Variants in AGPAT4 observed in about 807,000 individuals in gnomAD.
AGPAT4 encodes the protein 1-acyl-sn-glycerol-3-phosphate acyltransferase delta.
Under a neutral mutation model 48.0 loss-of-function variants are expected in AGPAT4, and 15 were observed. The observed-to-expected ratio is 0.31, with a 90% confidence interval of 0.21 to 0.48. The LOEUF (loss-of-function observed/expected upper bound fraction) is 0.48, where lower values mean the gene tolerates loss of function less well. AGPAT4 is among the 20% of genes least tolerant of loss of function. AGPAT4 has a pLI of 0.99. For synonymous variants in AGPAT4, 178 were observed against 198.7 expected, an observed-to-expected ratio of 0.90 and a Z score of 0.88; for missense variants, 314 against 482.5, an observed-to-expected ratio of 0.65 and a Z score of 3.27.
In AGPAT4 at chr6:161,139,288, C is replaced by T. The variant is rs1277454794; in HGVS notation, c.1042+134G>A. The stretch of plus-strand genomic sequence containing the variant: ...CACTCATCCTGAAGTCTAATCTTTC[C>T]CTGTGATTGCAAGCTGAGCCTGCTC... On this transcript the variant is annotated intron_variant, in intron 8 of 8. Transcript: ENST00000320285. This position sits in a 1 kb window ranked among gnomAD's most constrained non-coding sequence, Gnocchi z 9.1. The T allele has an allele frequency of 5.8e-6, 6 of 1,029,124 alleles. No homozygotes were observed. The highest frequency in any genetic ancestry group is 8.6e-6 in the Non-Finnish European group (6 of 698,494). 63.7% of individuals were successfully genotyped at this position (1,029,124 alleles called of 1,614,324 possible).
chr6:161,148,859 T>C lies in AGPAT4; in HGVS notation c.767+328A>G, dbSNP rs1315145532. On this transcript the variant is annotated intron_variant, in intron 6 of 8. Coordinates refer to ENST00000320285, the MANE Select transcript of AGPAT4 (RefSeq NM_020133.3). The surrounding 1 kb of genome is among the most constrained non-coding windows in gnomAD (Gnocchi z 5.5). ...TAAATACACATCTGTGTGTATTCCA[T>C]ACAGCAGACCCATCGCCCACGAAAA... is the stretch of plus-strand genomic sequence containing the variant. Among the ~76,000 whole-genome samples, 4 of 152,192 alleles carry C rather than the reference T, an allele frequency of 2.6e-5. No individual in the cohort carries two copies. The highest frequency in any genetic ancestry group is 4.4e-5 in the Non-Finnish European group (3 of 68,044).
intron 2 of AGPAT4, among the ~76,000 whole-genome samples, chr6:161,187,264 T>C (rs1316445620): frequency 6.6e-6 from 1 of 152,212 alleles, no homozygotes; most frequent in East Asian, 1.9e-4. Context: ...AGGCACGTTT[T>C]GTCTTGTTCA....
At chr6:161,162,143 G>C (rs1337841757) in intron 3 of AGPAT4, among the ~76,000 whole-genome samples, 1 of 152,190 alleles carries the variant, frequency 6.6e-6, no homozygotes, top group Non-Finnish European at 1.5e-5. Context: ...TTCAGGCCCA[G>C]CTGTATTACA....
At chr6:161,163,843 C>T (rs1201066648) in intron 3 of AGPAT4, among the ~76,000 whole-genome samples, 1 of 152,190 alleles carries the variant, frequency 6.6e-6, no homozygotes, top group Admixed American at 6.5e-5. Flanking sequence ...GAAGAGGCAT[C>T]GCCCTGGCCC....
In AGPAT4 at chr6:161,198,590, G is replaced by C. The variant is rs1378801109; in HGVS notation, c.179-32173C>G. Among the ~76,000 whole-genome samples the C allele has an allele frequency of 1.3e-5, 2 of 152,202 alleles. No homozygotes were observed. Among genetic ancestry groups the C allele is most frequent in the Non-Finnish European group, 2.9e-5 (2 of 68,036 alleles). On this transcript the variant is annotated intron_variant, in intron 2 of 8. Coordinates refer to ENST00000320285, the MANE Select transcript of AGPAT4 (RefSeq NM_020133.3). This position sits in a 1 kb window ranked among gnomAD's most constrained non-coding sequence, Gnocchi z 4.3. ...TTTAGACACATAATTGCTCAGGCTG[G>C]GTTACATCCTGGCCCCACCATCTAC...
rs1232210481 is a variant in AGPAT4, at chr6:161,143,434, T to C, written c.843+3090A>G. Among the ~76,000 whole-genome samples the C allele has an allele frequency of 6.6e-6, 1 of 152,186 alleles. No individual in the cohort carries two copies. Among genetic ancestry groups the C allele is most frequent in the Non-Finnish European group, 1.5e-5 (1 of 68,036 alleles). On this transcript the variant is annotated intron_variant, in intron 7 of 8. Transcript: ENST00000320285. This position sits in a 1 kb window ranked among gnomAD's most constrained non-coding sequence, Gnocchi z 4.7. ...TTAATGGCCAAGTTATAGTCCCTTCTGCAAATGTCAAATTACAACCTGAAG... is the reference window on the plus strand; with the variant it reads ...TTAATGGCCAAGTTATAGTCCCTTCCGCAAATGTCAAATTACAACCTGAAG...
chr6:161,268,057 T>C lies in AGPAT4; in HGVS notation c.-90+5881A>G, dbSNP rs1031950062. 1.4e-4 allele frequency among the ~76,000 whole-genome samples: 22 copies of C among 152,232 alleles called. 1 individual carries two copies. Among genetic ancestry groups the C allele is most frequent in the South Asian group, 8.3e-4 (4 of 4,822 alleles). On this transcript the variant is annotated intron_variant, in intron 1 of 8. Transcript: ENST00000320285. ...GTTAACGTCTCAGCTCTGCTCCTTC[T>C]TATGACCTAGCTGAGCTGCTTAATC...
In AGPAT4 at chr6:161,145,973, G is replaced by C. The variant is rs145330860; in HGVS notation, c.843+551C>G. 4.0e-3 allele frequency among the ~76,000 whole-genome samples: 610 copies of C among 151,776 alleles called. 6 individuals carry two copies. The highest frequency in any genetic ancestry group is 0.01 in the Middle Eastern group (3 of 294). On this transcript the variant is annotated intron_variant, in intron 7 of 8. Transcript: ENST00000320285. ...CTTCCTTGCATATGCCTTTGGAGGA[G>C]AGAAACCAATGAAAGCAAAGGCCTT... is the stretch of plus-strand genomic sequence containing the variant.
rs1304917351 is a variant in AGPAT4 at position 161,161,049 on chromosome 6, C to T, written c.348+5199G>A. ...AAGGGGGACAGTTCATGGGATGATA[C>T]CAAGTCGGTGTACAGCAGACAGCAC... On this transcript the variant is annotated intron_variant, in intron 3 of 8. Transcript: ENST00000320285. The surrounding 1 kb of genome is among the most constrained non-coding windows in gnomAD (Gnocchi z 4.6). 2.2e-6 allele frequency: 1 copy of T among 456,674 alleles called. No individual in the cohort carries two copies. The highest frequency in any genetic ancestry group is 1.5e-5 in the South Asian group (1 of 64,572). The allele number at this position is 456,674 out of a possible 1,614,324, so 28.3% of individuals were successfully genotyped here. A position where few individuals can be genotyped will look rare whatever the true frequency, so the allele number is the denominator to read the frequency against.
rs1338975900 is a variant in AGPAT4 at position 161,141,976 on chromosome 6, C to A, written c.844-2356G>T. Reference sequence around the variant, plus strand: ...CTCCCGGGTTCAAGCAATTTTCCCACCTCAGCCTCCTGAGTACCTGGGATT... The same window carrying A: ...CTCCCGGGTTCAAGCAATTTTCCCAACTCAGCCTCCTGAGTACCTGGGATT... On this transcript the variant is annotated intron_variant, in intron 7 of 8. Transcript: ENST00000320285. The surrounding 1 kb of genome is among the most constrained non-coding windows in gnomAD (Gnocchi z 6.7). 2.0e-5 allele frequency among the ~76,000 whole-genome samples: 3 copies of A among 152,202 alleles called. No individual in the cohort carries two copies. The highest frequency in any genetic ancestry group is 7.2e-5 in the African/African-American group (3 of 41,456).
In AGPAT4 at chr6:161,141,925, C is replaced by T. The variant is rs1183572653; in HGVS notation, c.844-2305G>A. On this transcript the variant is annotated intron_variant, in intron 7 of 8. Coordinates refer to ENST00000320285, the MANE Select transcript of AGPAT4 (RefSeq NM_020133.3). This position sits in a 1 kb window ranked among gnomAD's most constrained non-coding sequence, Gnocchi z 6.7. The stretch of plus-strand genomic sequence containing the variant: ...TCGCACAGGCTGGAGTGCAATGGCA[C>T]GATCTCCTCTCACTGCAACCTCCGC... Among the ~76,000 whole-genome samples the T allele has an allele frequency of 6.6e-6, 1 of 152,132 alleles. No individual in the cohort carries two copies.
chr6:161,273,153 T>A (rs1783477372), intron 1 of AGPAT4, among the ~76,000 whole-genome samples: 1 of 152,220 alleles, frequency 6.6e-6, no homozygotes, highest in Non-Finnish European at 1.5e-5. Context: ...TATCTTATCT[T>A]AAGAAGTGTT....
In AGPAT4 at chr6:161,169,746, A is replaced by G. The variant is rs1238295963; in HGVS notation, c.179-3329T>C. Reference sequence around the variant, plus strand: ...CCAGAAGTATGTACAAGAAAATATAAAATTCCTCTAACTAGCTTCAGGATG... The same window carrying G: ...CCAGAAGTATGTACAAGAAAATATAGAATTCCTCTAACTAGCTTCAGGATG... On this transcript the variant is annotated intron_variant, in intron 2 of 8. Coordinates refer to ENST00000320285, the MANE Select transcript of AGPAT4 (RefSeq NM_020133.3). This position sits in a 1 kb window ranked among gnomAD's most constrained non-coding sequence, Gnocchi z 5.0. Among the ~76,000 whole-genome samples the G allele has an allele frequency of 6.6e-6, 1 of 152,222 alleles. No homozygotes were observed. The highest frequency in any genetic ancestry group is 2.4e-5 in the African/African-American group (1 of 41,452).
chr6:161,136,754 G>A, intron 8 of AGPAT4, 120 bp from the exon 9 acceptor site: 2 of 799,554 alleles, frequency 2.5e-6, no homozygotes, highest in South Asian at 3.2e-5. Flanking sequence ...AGAGCTGGCT[G>A]GCGGGTTTGA....
chr6:161,183,457 T>A (rs571464216), intron 2 of AGPAT4, among the ~76,000 whole-genome samples: 1 of 151,202 alleles, frequency 6.6e-6, no homozygotes, highest in Admixed American at 6.6e-5. Flanking sequence ...CTGTCTCTAA[T>A]AAAAATACAA....
Position 161,166,452 on chromosome 6 carries a change from A to G in AGPAT4, c.179-35T>C, listed in dbSNP as rs1780099930. Reference sequence around the variant, plus strand: ...ACCACAACAGACAGATGTTTACTACATGCAGCCTTGTCCTGGGAGCCCTGC... The same window carrying G: ...ACCACAACAGACAGATGTTTACTACGTGCAGCCTTGTCCTGGGAGCCCTGC... On this transcript the variant is annotated intron_variant, in intron 2 of 8. Transcript: ENST00000320285. The surrounding 1 kb of genome is among the most constrained non-coding windows in gnomAD (Gnocchi z 6.7). 6.4e-7 allele frequency: 1 copy of G among 1,564,274 alleles called. No homozygotes were observed.
At chr6:161,273,618 C>T (rs1194906944) in intron 1 of AGPAT4, among the ~76,000 whole-genome samples, 3 of 152,026 alleles carry the variant, frequency 2.0e-5, no homozygotes, top group African/African-American at 7.2e-5. Flanking sequence ...ATGCTTTAGC[C>T]CCGGGAGGGG....
Position 161,154,101 on chromosome 6 carries a change from C to G in AGPAT4, c.510+48G>C, listed in dbSNP as rs1474568318. On this transcript the variant is annotated intron_variant, in intron 4 of 8. Transcript: ENST00000320285. This position sits in a 1 kb window ranked among gnomAD's most constrained non-coding sequence, Gnocchi z 7.8. ...AAGTCACATGGGGGTCCCACGGTCA[C>G]AGTCCTGCAGGAGCCCTTGGGACAC... The G allele has an allele frequency of 6.2e-7, 1 of 1,612,570 alleles. No homozygotes were observed. The highest frequency in any genetic ancestry group is 8.5e-7 in the Non-Finnish European group (1 of 1,179,546).
chr6:161,259,997 G>A lies in AGPAT4; in HGVS notation c.-90+13941C>T, dbSNP rs1470683815. 1.3e-5 allele frequency among the ~76,000 whole-genome samples: 2 copies of A among 152,202 alleles called. No homozygotes were observed. Among genetic ancestry groups the A allele is most frequent in the Admixed American group, 1.3e-4 (2 of 15,296 alleles). Reference sequence around the variant, plus strand: ...TTCACCTGGCGCTATACGTGTTTGGGGCTGGGGAGTCTCTGGAAGTGAACT... The same window carrying A: ...TTCACCTGGCGCTATACGTGTTTGGAGCTGGGGAGTCTCTGGAAGTGAACT... On this transcript the variant is annotated intron_variant, in intron 1 of 8. Transcript: ENST00000320285. This position sits in a 1 kb window ranked among gnomAD's most constrained non-coding sequence, Gnocchi z 4.9.
Sources: gnomAD v4.1 joint callset for allele counts (sites outside exome capture counted in the v4.1 genomes callset) on GRCh38, gnomAD v4.1.1 for gene constraint, Gnocchi (gnomAD v3.1) non-coding constraint, MANE v1.5 for transcripts, NCBI Gene and HGNC (gene_info 2026-07-23, HGNC 2026-07-21) for gene names.